OSMR: variants seen among roughly 807,000 people sequenced by gnomAD.
OSMR encodes the protein oncostatin-M-specific receptor subunit beta.
Under a neutral mutation model 99.9 loss-of-function variants are expected in OSMR, and 81 were observed. The observed-to-expected ratio is 0.81, with a 90% CI of 0.68 to 0.97. The LOEUF (loss-of-function observed/expected upper bound fraction) is 0.97, where lower values mean the gene tolerates loss of function less well. Among genes scored for constraint, OSMR ranks in the 50% least tolerant of loss-of-function variants. OSMR has a pLI of 0.00. For missense variants in OSMR, 1,099 were observed against 1,153.4 expected, an observed-to-expected ratio of 0.95 and a Z score of 0.68; for synonymous variants, 406 against 410.4, an observed-to-expected ratio of 0.99 and a Z score of 0.13.
intron 4 of OSMR, among the ~76,000 whole-genome samples, chr5:38,882,885 G>T (rs1448074562): frequency 6.6e-6 from 1 of 152,188 alleles, no homozygotes; most frequent in Non-Finnish European, 1.5e-5. Flanking sequence ...AAGAAGCCAT[G>T]CAAGGTCACC....
chr5:38,879,944 C>T (rs1227498899), intron 3 of OSMR, among the ~76,000 whole-genome samples: 1 of 152,090 alleles, frequency 6.6e-6, no homozygotes, highest in Non-Finnish European at 1.5e-5. Context: ...CTTGACATTG[C>T]TCATGTTAAA....
At chr5:38,920,326 G>T (rs1490920267) in intron 11 of OSMR, among the ~76,000 whole-genome samples, 1 of 152,186 alleles carries the variant, frequency 6.6e-6, no homozygotes, top group East Asian at 1.9e-4. Flanking sequence ...TCACACTAGG[G>T]TGTAAATGAC....
chr5:38,903,851 T>A, intron 7 of OSMR, 31 bp from the exon 8 acceptor site: 1 of 1,595,770 alleles, frequency 6.3e-7, no homozygotes, highest in Non-Finnish European at 8.6e-7. Context: ...TATGCTTGAA[T>A]TTTTTTGTTT....
At chr5:38,936,653 T>C (rs1747059082), downstream of OSMR, among the ~76,000 whole-genome samples, 1 of 152,214 alleles carries the variant, frequency 6.6e-6, no homozygotes, top group South Asian at 2.1e-4. Context: ...TAAACACTTC[T>C]AAGAGTTCTG....
intron 15 of OSMR, among the ~76,000 whole-genome samples, chr5:38,930,523 C>T (rs953488940): frequency 8.5e-5 from 13 of 152,158 alleles, no homozygotes; most frequent in Non-Finnish European, 2.9e-5. Flanking sequence ...TGAACAGAAT[C>T]ATATGTAGAT....
intron 7 of OSMR, among the ~76,000 whole-genome samples, chr5:38,886,854 A>G (rs897007267): frequency 1.3e-5 from 2 of 152,184 alleles, no homozygotes; most frequent in African/African-American, 4.8e-5. Context: ...TCTTGCATAT[A>G]TACTTAAGAG....
At chr5:38,900,103 G>GT (rs897909077) in intron 7 of OSMR, among the ~76,000 whole-genome samples, 36 of 152,174 alleles carry the variant, frequency 2.4e-4, no homozygotes, top group African/African-American at 8.2e-4. Flanking sequence ...GCTGGGATGG[G>GT]TGATTCCTCT....
chr5:38,909,569 G>A (rs777109791), intron 9 of OSMR, among the ~76,000 whole-genome samples: 19 of 152,186 alleles, frequency 1.2e-4, no homozygotes, highest in Middle Eastern at 6.3e-3. Flanking sequence ...AGAGATTGGG[G>A]CCTGTACTGA....
chr5:38,886,250 G>A (rs763266870), intron 7 of OSMR, 60 bp downstream of exon 7: 1 of 1,612,450 alleles, frequency 6.2e-7, no homozygotes, highest in Non-Finnish European at 8.5e-7. Flanking sequence ...TTCACAGACT[G>A]TGTGATCAAG....
intron 1 of OSMR, among the ~76,000 whole-genome samples, chr5:38,861,405 A>G (rs1484505186): frequency 6.6e-6 from 1 of 152,086 alleles, no homozygotes; most frequent in Non-Finnish European, 1.5e-5. Flanking sequence ...CTGAGTGGAC[A>G]CAGCACATGT....
chr5:38,856,540 A>T, intron 1 of OSMR, among the ~76,000 whole-genome samples: 1 of 145,600 alleles, frequency 6.9e-6, no homozygotes, highest in South Asian at 2.1e-4. Flanking sequence ...TGATGACAGA[A>T]GAAAACAGGG....
chr5:38,933,305 C>T lies in OSMR; in HGVS notation c.2801C>T (p.Thr934Ile). ...TTTGGAGACAAGGACAGTCTCCCAA[C>T]AAACCCAGTAGAGGCACCACACTGT... ...PMFGDKDSLP[T>I]NPVEAPHCSE... The change falls in exon 18 of 18, where the codon ACA becomes ATA. Residue 934 changes from threonine (T) to isoleucine (I), a missense_variant. Thr to Ile is a moderately conservative substitution (Grantham distance 89). Coordinates refer to ENST00000274276, the MANE Select transcript of OSMR (RefSeq NM_003999.3). The T allele has an allele frequency of 1.2e-6, 2 of 1,614,218 alleles. No individual in the cohort carries two copies. The highest frequency in any genetic ancestry group is 1.7e-6 in the Non-Finnish European group (2 of 1,180,024).
Position 38,932,553 on chromosome 5 carries a change from G to C in OSMR, c.2367+18G>C. ...AATTCAAGGTAAATGTTGGCAAATTGTATGTATACCATATACCTATTAAGG... is the reference window on the plus strand; with the variant it reads ...AATTCAAGGTAAATGTTGGCAAATTCTATGTATACCATATACCTATTAAGG... On this transcript the variant is annotated intron_variant, in intron 17 of 17. Coordinates refer to ENST00000274276, the MANE Select transcript of OSMR (RefSeq NM_003999.3). The C allele has an allele frequency of 6.2e-7, 1 of 1,603,250 alleles. No individual in the cohort carries two copies. Among genetic ancestry groups the C allele is most frequent in the Non-Finnish European group, 8.5e-7 (1 of 1,170,270 alleles).
chr5:38,917,344 A>G (rs1298678687), intron 9 of OSMR: 3 of 847,618 alleles, frequency 3.5e-6, no homozygotes, highest in Non-Finnish European at 4.3e-6. Context: ...CTTTTTATAA[A>G]GCACTGTACT....
At chr5:38,861,452 C>T (rs1463267543) in intron 1 of OSMR, among the ~76,000 whole-genome samples, 3 of 152,204 alleles carry the variant, frequency 2.0e-5, no homozygotes, top group Admixed American at 1.3e-4. Context: ...GGTCACCGAT[C>T]AACAGGATCC....
intron 2 of OSMR, among the ~76,000 whole-genome samples, chr5:38,875,271 T>C (rs1292957089): frequency 6.6e-6 from 1 of 152,222 alleles, no homozygotes; most frequent in African/African-American, 2.4e-5. Flanking sequence ...ACACAATTAT[T>C]TTACAATCTA....
At chr5:38,936,468 T>G (rs1458478151), downstream of OSMR, among the ~76,000 whole-genome samples, 1 of 152,148 alleles carries the variant, frequency 6.6e-6, no homozygotes, top group Non-Finnish European at 1.5e-5. Flanking sequence ...CACCTGTGTG[T>G]GGGGGAACTC....
intron 7 of OSMR, among the ~76,000 whole-genome samples, chr5:38,901,490 A>G (rs946768219): frequency 1.3e-5 from 2 of 152,180 alleles, no homozygotes; most frequent in African/African-American, 4.8e-5. Flanking sequence ...CCAAGTAAGA[A>G]TGGGCATTTC....
chr5:38,884,199 C>G, intron 5 of OSMR, 88 bp downstream of exon 5: 3 of 1,068,444 alleles, frequency 2.8e-6, no homozygotes, highest in Non-Finnish European at 2.9e-6. Context: ...ATAAACATTT[C>G]TACCCATGAT....
Sources: allele counts gnomAD v4.1 joint callset (sites outside exome capture counted in the v4.1 genomes callset), GRCh38; gene constraint gnomAD v4.1.1; transcripts MANE v1.5; gene names NCBI Gene and HGNC (gene_info 2026-07-23, HGNC 2026-07-21).